The following ATP8A2 variants were observed in gnomAD, a reference collection of about 807,000 sequenced individuals.
The protein encoded by ATP8A2 is phospholipid-transporting ATPase IB.
Under a neutral mutation model 165.6 loss-of-function variants are expected in ATP8A2, and 100 were observed. The ratio of observed to expected loss-of-function variants is 0.60; its 90% CI spans 0.51 to 0.71. The LOEUF (loss-of-function observed/expected upper bound fraction) is 0.71. Ranked by LOEUF, ATP8A2 falls within the 30% of genes least tolerant of loss-of-function variation. The probability of loss-of-function intolerance (pLI) is 0.00; values close to 1 mark genes in which losing one functional copy is unlikely to be tolerated. For synonymous variants in ATP8A2, 543 were observed against 548.8 expected, an observed-to-expected ratio of 0.99 and a Z score of 0.15; for missense variants, 1,227 against 1,479.5, an observed-to-expected ratio of 0.83 and a Z score of 2.80.
intron 33 of ATP8A2, among the ~76,000 whole-genome samples, chr13:25,900,419 T>C (rs779471706): frequency 7.9e-5 from 12 of 152,002 alleles, no homozygotes; most frequent in Non-Finnish European, 1.3e-4. Flanking sequence ...TGGTCGTCAG[T>C]GTTTACGAAG....
At position 25,970,806 on chromosome 13, in the gene ATP8A2, T is replaced by C. The variant is rs144994314; in HGVS notation, c.3377+2127T>C. 8.8e-3 allele frequency among the ~76,000 whole-genome samples: 1,335 copies of C among 152,084 alleles called. 15 individuals are homozygous for C. Among genetic ancestry groups the C allele is most frequent in the African/African-American group, 0.03 (1,257 of 41,488 alleles). ...TCGTGGGCTGTCAGCCTTGAAAGAGTGTGTGAGCCCATTTTTGCTTGTTGT... is the reference window on the plus strand; with the variant it reads ...TCGTGGGCTGTCAGCCTTGAAAGAGCGTGTGAGCCCATTTTTGCTTGTTGT... On this transcript the variant is annotated intron_variant, in intron 35 of 36. Transcript: ENST00000381655.
At chr13:25,679,824 T>C (rs946878227) in intron 24 of ATP8A2, among the ~76,000 whole-genome samples, 5 of 152,148 alleles carry the variant, frequency 3.3e-5, no homozygotes, top group African/African-American at 1.2e-4. Context: ...TCTTTCTCCT[T>C]TGATGCTCTA....
chr13:25,921,461 CA>C (rs60085641), intron 33 of ATP8A2, among the ~76,000 whole-genome samples: 294 of 133,372 alleles, frequency 2.2e-3, no homozygotes, highest in Non-Finnish European at 2.3e-3. Flanking sequence ...GCTAAAAATA[CA>C]AAAAAAAAAA....
rs1048777305 is a variant in ATP8A2, at chr13:25,639,167, A to G, written c.2211+49468A>G. Among the ~76,000 whole-genome samples, 10 of 152,334 alleles carry G rather than the reference A, an allele frequency of 6.6e-5. No homozygotes were observed. The East Asian group carries it at 1.2e-3, about 18-fold the overall frequency. ...AAAAACATGCCAAATTGTAAAGACC[A>G]TCGATGCTAGGAAGAAATTGCATCA... On this transcript the variant is annotated intron_variant, in intron 24 of 36. Transcript: ENST00000381655.
Position 25,835,915 on chromosome 13 carries a change from A to G in ATP8A2, c.2755-1248A>G, listed in dbSNP as rs139580373. Among the ~76,000 whole-genome samples the G allele has an allele frequency of 2.9e-3, 446 of 152,302 alleles. 5 individuals carry two copies. Among genetic ancestry groups the G allele is most frequent in the Non-Finnish European group, 4.3e-3 (290 of 68,022 alleles). Reference sequence around the variant, plus strand: ...CAATTTAAAGATCGAATTGGCTTTTATTAGCCATTCTGGAATTGGGTAACA... The same window carrying G: ...CAATTTAAAGATCGAATTGGCTTTTGTTAGCCATTCTGGAATTGGGTAACA... On this transcript the variant is annotated intron_variant, in intron 28 of 36. Transcript: ENST00000381655.
At chr13:25,479,167 C>A (rs976935558) in intron 2 of ATP8A2, among the ~76,000 whole-genome samples, 26 of 152,118 alleles carry the variant, frequency 1.7e-4, no homozygotes, top group Non-Finnish European at 2.6e-4. Context: ...TTAGCATGAA[C>A]CTTTGATATG....
intron 27 of ATP8A2, among the ~76,000 whole-genome samples, chr13:25,811,968 T>A (rs1354647530): frequency 6.6e-6 from 1 of 152,192 alleles, no homozygotes; most frequent in African/African-American, 2.4e-5. Flanking sequence ...ATCTTTTGAC[T>A]TCCTGTTTCA....
chr13:25,963,403 AAAAAAAAG>A (rs1243283076), intron 34 of ATP8A2, among the ~76,000 whole-genome samples: 4 of 144,046 alleles, frequency 2.8e-5, no homozygotes, highest in East Asian at 2.1e-4. Context: ...CAAAAAAAAA[AAAAAAAAG>A]AAAAGAAAAG....
At chr13:25,512,140 G>A (rs566729214) in intron 2 of ATP8A2, among the ~76,000 whole-genome samples, 1,957 of 151,398 alleles carry the variant, frequency 0.013, 18 homozygotes, top group Non-Finnish European at 0.023. Flanking sequence ...ATCTTGCACC[G>A]CCCTTAATCC....
At chr13:25,450,587 AGTGGT>A (rs2035190303) in intron 1 of ATP8A2, among the ~76,000 whole-genome samples, 6 of 152,128 alleles carry the variant, frequency 3.9e-5, no homozygotes, top group Non-Finnish European at 7.4e-5. Context: ...GCTGGAGTGC[AGTGGT>A]GTGATCTCGG....
At chr13:25,633,533 CTTA>C (rs1210713528) in intron 24 of ATP8A2, among the ~76,000 whole-genome samples, 1 of 152,138 alleles carries the variant, frequency 6.6e-6, no homozygotes, top group Non-Finnish European at 1.5e-5. Flanking sequence ...TTTAGAGTTT[CTTA>C]TTATGTCCTT....
At position 25,727,645 on chromosome 13, in the gene ATP8A2, G is replaced by A. The variant is rs976456081; in HGVS notation, c.2384+28300G>A. On this transcript the variant is annotated intron_variant, in intron 25 of 36. Transcript: ENST00000381655. The stretch of plus-strand genomic sequence containing the variant: ...AACATAAACTATAAAATGTCCTCTA[G>A]CAACCAAAACACATGGGATGTTTTT... 3.3e-5 allele frequency among the ~76,000 whole-genome samples: 5 copies of A among 152,122 alleles called. No individual in the cohort carries two copies. The South Asian group carries it at 1.0e-3, about 32-fold the overall frequency.
intron 27 of ATP8A2, among the ~76,000 whole-genome samples, chr13:25,788,873 C>A (rs1317166387): frequency 3.3e-5 from 5 of 152,188 alleles, no homozygotes; most frequent in Non-Finnish European, 7.3e-5. Context: ...GTGGCCTCAT[C>A]TTCTCCCCTG....
intron 33 of ATP8A2, among the ~76,000 whole-genome samples, chr13:25,889,251 T>C (rs1566239815): frequency 7.0e-6 from 1 of 142,302 alleles, no homozygotes. Context: ...TTGTCATATA[T>C]ATATATATAT....
At chr13:25,855,071 T>G (rs539838103) in intron 30 of ATP8A2, among the ~76,000 whole-genome samples, 215 of 151,980 alleles carry the variant, frequency 1.4e-3, no homozygotes, top group Non-Finnish European at 2.6e-3. Flanking sequence ...ACCAACATGG[T>G]GAAACCCCGT....
chr13:25,836,452 C>T (rs1399456806), intron 28 of ATP8A2, among the ~76,000 whole-genome samples: 1 of 152,186 alleles, frequency 6.6e-6, no homozygotes, highest in African/African-American at 2.4e-5. Context: ...TCATGTTGGT[C>T]TAATACCTTG....
intron 24 of ATP8A2, among the ~76,000 whole-genome samples, chr13:25,648,761 AT>A (rs1433519265): frequency 6.6e-6 from 1 of 152,222 alleles, no homozygotes; most frequent in Admixed American, 6.5e-5. Flanking sequence ...TACATGTAAT[AT>A]GTAATGCAAT....
At chr13:25,785,968 C>T (rs1458571147) in intron 27 of ATP8A2, among the ~76,000 whole-genome samples, 6 of 152,222 alleles carry the variant, frequency 3.9e-5, no homozygotes, top group African/African-American at 9.6e-5. Context: ...CCCTTCTGCT[C>T]CTTTTCTCTA....
intron 1 of ATP8A2, among the ~76,000 whole-genome samples, chr13:25,448,955 G>A (rs992655758): frequency 3.3e-5 from 5 of 152,026 alleles, no homozygotes; most frequent in Non-Finnish European, 7.4e-5. Context: ...GTGAGCCACC[G>A]TGCCCAGCCA....
Sources: allele counts gnomAD v4.1 joint callset (sites outside exome capture counted in the v4.1 genomes callset), GRCh38; gene constraint gnomAD v4.1.1; transcripts MANE v1.5; gene names NCBI Gene and HGNC (gene_info 2026-07-23, HGNC 2026-07-21).